WDR49: variants seen among roughly 807,000 people sequenced by gnomAD.
The protein encoded by WDR49 is cilia- and flagella-associated protein 337.
A neutral mutation model predicts 119.5 loss-of-function variants in WDR49; 107 were observed. That is an observed-to-expected ratio of 0.90 (90% CI 0.77 to 1.05). The LOEUF (loss-of-function observed/expected upper bound fraction) is 1.05. Among genes scored for constraint, WDR49 ranks in the 50% least tolerant of loss-of-function variants. The pLI is 0.00. For synonymous variants in WDR49, 425 were observed against 418.8 expected, an observed-to-expected ratio of 1.01 and a Z score of -0.18; for missense variants, 1,240 against 1,220.5, an observed-to-expected ratio of 1.02 and a Z score of -0.24.
In WDR49 at chr3:167,478,873, T is replaced by A. The variant is rs201391497; in HGVS notation, c.*5A>T. 3.8e-5 allele frequency: 60 copies of A among 1,585,394 alleles called. No homozygotes were observed. In the East Asian group the frequency reaches 1.4e-3, roughly 36 times the overall value. On this transcript the variant is annotated 3_prime_UTR_variant, in exon 19 of 19. Transcript: ENST00000682715. ...TATGTAACAGTGAAGGTTTTTCTGT[T>A]GTAATTACTTCTTATTTTTCTTCAC...
At chr3:167,496,116 G>C (rs940923594) in intron 18 of WDR49, among the ~76,000 whole-genome samples, 4 of 151,950 alleles carry the variant, frequency 2.6e-5, no homozygotes, top group Non-Finnish European at 5.9e-5. Context: ...GGAATAAAGA[G>C]CACAAGAAAG....
chr3:167,552,396 G>A (rs1177269328), intron 10 of WDR49, among the ~76,000 whole-genome samples: 1 of 152,020 alleles, frequency 6.6e-6, no homozygotes, highest in African/African-American at 2.4e-5. Context: ...ATTATGCTCT[G>A]AATTATACTA....
chr3:167,505,713 C>T (rs1407199666), intron 16 of WDR49, among the ~76,000 whole-genome samples: 1 of 152,132 alleles, frequency 6.6e-6, no homozygotes, highest in Non-Finnish European at 1.5e-5. Flanking sequence ...GAAAATTTTA[C>T]AGAAACACGT....
At chr3:167,491,904 A>C (rs1018975004) in intron 18 of WDR49, among the ~76,000 whole-genome samples, 3 of 152,198 alleles carry the variant, frequency 2.0e-5, no homozygotes, top group African/African-American at 7.2e-5. Flanking sequence ...TAAAAAACCC[A>C]GCAGGTATGG....
intron 2 of WDR49, among the ~76,000 whole-genome samples, chr3:167,649,052 T>A (rs1405559685): frequency 6.6e-6 from 1 of 152,142 alleles, no homozygotes; most frequent in Non-Finnish European, 1.5e-5. Flanking sequence ...TTATCAGAGA[T>A]AAGAACATCT....
In WDR49 at chr3:167,532,961, T is replaced by A. The variant is rs1752901174; in HGVS notation, c.1971A>T (p.Glu657Asp). Reference protein sequence around the residue: ...QTLVTGSYDGEIVLWNNSTEN... With the variant: ...QTLVTGSYDGDIVLWNNSTEN... ...CTGTGCTATTGTTCCATAGAACAAT[T>A]TCTCCATCATAACTCCCTACACAAG... The change falls in exon 12 of 19, where the codon GAA becomes GAT. Residue 657 changes from glutamate (E) to aspartate (D), a missense_variant. Glu to Asp is a conservative substitution (Grantham distance 45). Coordinates refer to ENST00000682715, the MANE Select transcript of WDR49 (RefSeq NM_001366157.1). The A allele has an allele frequency of 6.2e-6, 10 of 1,605,270 alleles. No homozygotes were observed. The South Asian group carries it at 8.9e-5, about 14-fold the overall frequency.
In WDR49 at chr3:167,478,897, A is replaced by G. The variant is rs1577183937; in HGVS notation, c.3131T>C (p.Val1044Ala). Residue 1044 changes from valine to alanine, a missense_variant, in exon 19 of 19, where the codon GTG (valine) becomes GCG (alanine). Coordinates refer to ENST00000682715, the MANE Select transcript of WDR49 (RefSeq NM_001366157.1). ...TTGTAATTACTTCTTATTTTTCTTC[A>G]CTTCACAACTTTTTTCTTGGCATAA... ...KQLCQEKSCE[V>A]KKNKK 1.9e-6 allele frequency: 3 copies of G among 1,604,874 alleles called. No individual in the cohort carries two copies. The highest frequency in any genetic ancestry group is 2.3e-5 in the South Asian group (2 of 88,374).
At chr3:167,633,549 G>T (rs779826495) in intron 2 of WDR49, 1 of 446,342 alleles carries the variant, frequency 2.2e-6, no homozygotes, top group African/African-American at 2.0e-5. Context: ...TTGGCAGAAA[G>T]TAATTCCACA....
intron 7 of WDR49, among the ~76,000 whole-genome samples, chr3:167,590,755 T>G (rs1715067902): frequency 6.6e-6 from 1 of 152,026 alleles, no homozygotes; most frequent in Admixed American, 6.6e-5. Context: ...ATATATCCTT[T>G]TTCATCTGTA....
chr3:167,647,899 TTGA>T (rs1718201505), intron 2 of WDR49, among the ~76,000 whole-genome samples: 1 of 152,208 alleles, frequency 6.6e-6, no homozygotes, highest in South Asian at 2.1e-4. Context: ...GTAGCAGTTG[TTGA>T]TTATTTGCTG....
At chr3:167,484,717 C>G (rs1053779494) in intron 18 of WDR49, among the ~76,000 whole-genome samples, 1 of 146,132 alleles carries the variant, frequency 6.8e-6, no homozygotes, top group South Asian at 2.2e-4. Context: ...GTGATGTGTT[C>G]TTTTTATAAC....
intron 5 of WDR49, among the ~76,000 whole-genome samples, chr3:167,619,679 A>T (rs1030127170): frequency 6.6e-6 from 1 of 152,170 alleles, no homozygotes; most frequent in African/African-American, 2.4e-5. Flanking sequence ...ATTAAAGTCA[A>T]TGAGATTGTT....
At chr3:167,522,556 A>G in intron 15 of WDR49, 72 bp from the exon 16 acceptor site, 1 of 1,468,942 alleles carries the variant, frequency 6.8e-7, no homozygotes, top group Non-Finnish European at 9.1e-7. Context: ...TGTGTTTACC[A>G]TGTGCTGGAT....
intron 18 of WDR49, among the ~76,000 whole-genome samples, chr3:167,479,374 A>G (rs1750605501): frequency 6.6e-6 from 1 of 152,180 alleles, no homozygotes; most frequent in South Asian, 2.1e-4. Flanking sequence ...TAGTCAAAAC[A>G]CAGTTTGACT....
intron 7 of WDR49, among the ~76,000 whole-genome samples, chr3:167,576,539 G>A (rs1480611378): frequency 6.6e-6 from 1 of 152,152 alleles, no homozygotes; most frequent in Non-Finnish European, 1.5e-5. Flanking sequence ...CTTTGAGATG[G>A]TGAGATTGTC....
At chr3:167,553,994 C>T (rs55880450) in intron 10 of WDR49, among the ~76,000 whole-genome samples, 40,293 of 151,788 alleles carry the variant, frequency 0.27, 5,592 homozygotes, top group South Asian at 0.31. Context: ...TAACGTTGGA[C>T]GACTACCTAT....
chr3:167,634,410 C>T (rs1288050972), intron 2 of WDR49, among the ~76,000 whole-genome samples: 1 of 151,866 alleles, frequency 6.6e-6, no homozygotes, highest in Non-Finnish European at 1.5e-5. Context: ...AGCTAATATA[C>T]TCAGTATGTC....
chr3:167,519,617 C>T (rs1752352513), intron 16 of WDR49, among the ~76,000 whole-genome samples: 1 of 151,814 alleles, frequency 6.6e-6, no homozygotes, highest in Admixed American at 6.6e-5. Flanking sequence ...GGGAACAACA[C>T]ACACTGGAAC....
chr3:167,579,908 T>C (rs934590798), intron 7 of WDR49, among the ~76,000 whole-genome samples: 2 of 152,100 alleles, frequency 1.3e-5, no homozygotes, highest in African/African-American at 4.8e-5. Flanking sequence ...GAAACTAACT[T>C]CATGTCATAA....
Sources: gnomAD v4.1 joint callset for allele counts (sites outside exome capture counted in the v4.1 genomes callset) on GRCh38, gnomAD v4.1.1 for gene constraint, MANE v1.5 for transcripts, NCBI Gene and HGNC (gene_info 2026-07-23, HGNC 2026-07-21) for gene names.